PAK1: variants seen among roughly 807,000 people sequenced by gnomAD.
PAK1 encodes the protein p21 (RAC1) activated kinase 1.
In PAK1, 29 loss-of-function variants were observed where a neutral mutation model predicts 67.4. The ratio of observed to expected loss-of-function variants is 0.43; its 90% confidence interval spans 0.32 to 0.59. The LOEUF (loss-of-function observed/expected upper bound fraction) is 0.59, where lower values mean the gene tolerates loss of function less well. PAK1 is among the 20% of genes least tolerant of loss of function. The pLI is 0.07. For synonymous variants in PAK1, 223 were observed against 237.4 expected, an observed-to-expected ratio of 0.94 and a Z score of 0.56; for missense variants, 337 against 670.7, an observed-to-expected ratio of 0.50 and a Z score of 5.50.
At chr11:77,502,695 GC>G in the PAK1 span, among the ~76,000 whole-genome samples, 2 of 152,116 alleles carry the variant, frequency 1.3e-5, no homozygotes, top group Non-Finnish European at 2.9e-5. Flanking sequence ...TGCCTCAGCT[GC>G]CCTCAAGGAG....
the PAK1 span, among the ~76,000 whole-genome samples, chr11:77,497,542 C>T: frequency 6.6e-6 from 1 of 152,186 alleles, no homozygotes. Flanking sequence ...TTACAAGGGG[C>T]ACAGCCTGGC....
At chr11:77,351,465 A>C (rs933215060) in intron 8 of PAK1, among the ~76,000 whole-genome samples, 2 of 152,242 alleles carry the variant, frequency 1.3e-5, no homozygotes, top group South Asian at 2.1e-4. Flanking sequence ...TAATATCTCA[A>C]TTTCACTACC....
intron 6 of PAK1, among the ~76,000 whole-genome samples, chr11:77,357,743 G>A (rs887583153): frequency 1.3e-5 from 2 of 152,130 alleles, no homozygotes; most frequent in Admixed American, 1.3e-4. Flanking sequence ...TTTTTAGAAA[G>A]AAATGCTATG....
At chr11:77,342,425 A>G (rs1322667258) in intron 10 of PAK1, among the ~76,000 whole-genome samples, 3 of 152,170 alleles carry the variant, frequency 2.0e-5, no homozygotes, top group Non-Finnish European at 4.4e-5. Context: ...GCATCCACTG[A>G]TGGGGAACTC....
chr11:77,440,687 A>T (rs139781888), intron 1 of PAK1, among the ~76,000 whole-genome samples: 2 of 152,354 alleles, frequency 1.3e-5, no homozygotes, highest in African/African-American at 4.8e-5. Context: ...GAAAACAGAC[A>T]GTAGGGAAAA....
At chr11:77,376,903 T>C (rs1949163668) in intron 4 of PAK1, among the ~76,000 whole-genome samples, 1 of 152,178 alleles carries the variant, frequency 6.6e-6, no homozygotes, top group African/African-American at 2.4e-5. Flanking sequence ...GTCATTTAAC[T>C]TCTCTGAGCC....
chr11:77,472,396 G>C (rs1592603838), intron 1 of PAK1, among the ~76,000 whole-genome samples: 1 of 152,208 alleles, frequency 6.6e-6, no homozygotes, highest in East Asian at 1.9e-4. Flanking sequence ...ATCCCACCGG[G>C]CCAATGGGAA....
chr11:77,334,175 AAAAAT>A (rs1942249182), intron 13 of PAK1, among the ~76,000 whole-genome samples: 1 of 147,324 alleles, frequency 6.8e-6, no homozygotes, highest in Non-Finnish European at 1.5e-5. Flanking sequence ...TCTCAAAAAA[AAAAAT>A]AAAATAAAAA....
intron 2 of PAK1, among the ~76,000 whole-genome samples, chr11:77,382,686 T>C (rs757396555): frequency 2.6e-5 from 4 of 152,162 alleles, no homozygotes; most frequent in Admixed American, 6.6e-5. Context: ...CTTACTTAGT[T>C]GAAGAACACT....
At chr11:77,525,203 G>A in the PAK1 span, among the ~76,000 whole-genome samples, 1 of 149,708 alleles carries the variant, frequency 6.7e-6, no homozygotes, top group Non-Finnish European at 1.5e-5. Context: ...AAAAAAAATT[G>A]CTGGGTGTGG....
intron 5 of PAK1, among the ~76,000 whole-genome samples, chr11:77,374,103 TA>T (rs1265927054): frequency 6.6e-6 from 1 of 152,108 alleles, no homozygotes; most frequent in Non-Finnish European, 1.5e-5. Context: ...AAATTAAAAA[TA>T]AAAAAATTAT....
At chr11:77,486,316 C>A in the PAK1 span, among the ~76,000 whole-genome samples, 1 of 151,694 alleles carries the variant, frequency 6.6e-6, no homozygotes, top group African/African-American at 2.4e-5. Flanking sequence ...CCAGCCTGGG[C>A]AACATAGCAA....
At chr11:77,438,430 A>C (rs531888491) in intron 1 of PAK1, among the ~76,000 whole-genome samples, 5 of 152,318 alleles carry the variant, frequency 3.3e-5, no homozygotes, top group African/African-American at 1.2e-4. Context: ...ACACATATCC[A>C]AACTGTATCA....
chr11:77,334,260 T>A (rs1432873584), intron 13 of PAK1, among the ~76,000 whole-genome samples: 3 of 152,182 alleles, frequency 2.0e-5, no homozygotes, highest in African/African-American at 7.2e-5. Context: ...CCAGCAATTA[T>A]CATCTTCAAA....
At chr11:77,346,812 TAAG>T (rs1944493330) in intron 9 of PAK1, among the ~76,000 whole-genome samples, 1 of 152,214 alleles carries the variant, frequency 6.6e-6, no homozygotes, top group African/African-American at 2.4e-5. Flanking sequence ...CTAAGACTCA[TAAG>T]AAAATTCTAA....
intron 5 of PAK1, among the ~76,000 whole-genome samples, chr11:77,373,868 T>C (rs1459537550): frequency 2.6e-5 from 4 of 152,172 alleles, no homozygotes; most frequent in Admixed American, 6.5e-5. Flanking sequence ...GCAGACTCCA[T>C]AGACCAAAGA....
Position 77,355,741 on chromosome 11 carries a change from A to T in PAK1, c.699T>A (p.Asp233Glu). The T allele has an allele frequency of 6.2e-7, 1 of 1,613,596 alleles. No individual in the cohort carries two copies. The highest frequency in any genetic ancestry group is 2.2e-5 in the East Asian group (1 of 44,878). ...SPTENNTTPP[D>E]ALTRNTEKQK... Reference sequence around the variant, plus strand: ...GCTTCTCAGTATTCCGGGTCAAAGCATCTGGTGGAGTGGTGTTATTTTCAG... The same window carrying T: ...GCTTCTCAGTATTCCGGGTCAAAGCTTCTGGTGGAGTGGTGTTATTTTCAG... The change falls in exon 7 of 15, where the codon GAT becomes GAA. Residue 233 changes from aspartate to glutamate, a missense_variant. This residue lies in a region of PAK1 where 150 missense variants were observed against 179.0 expected (regional missense o/e 0.84). Transcript: ENST00000356341.
intron 7 of PAK1, among the ~76,000 whole-genome samples, chr11:77,355,286 T>C (rs995277898): frequency 1.3e-5 from 2 of 152,198 alleles, no homozygotes; most frequent in African/African-American, 4.8e-5. Flanking sequence ...ATGCGTCTTC[T>C]CCTAGGTCAA....
intron 1 of PAK1, among the ~76,000 whole-genome samples, chr11:77,404,867 A>G (rs553071386): frequency 6.6e-6 from 1 of 152,360 alleles, no homozygotes; most frequent in South Asian, 2.1e-4. Flanking sequence ...ATACTAATCT[A>G]GTTGAATAAG....
Sources: allele counts gnomAD v4.1 joint callset (sites outside exome capture counted in the v4.1 genomes callset), GRCh38; gene constraint gnomAD v4.1.1; regional missense constraint gnomAD v4.1.1; transcripts MANE v1.5; gene names NCBI Gene and HGNC (gene_info 2026-07-23, HGNC 2026-07-21).